The following SLC17A5 variants were observed in gnomAD, a reference collection of about 807,000 sequenced individuals.
SLC17A5 encodes sialin.
Under a neutral mutation model 59.4 loss-of-function variants are expected in SLC17A5, and 47 were observed. That is an observed-to-expected ratio of 0.79 (90% confidence interval 0.63 to 1.01). The LOEUF (loss-of-function observed/expected upper bound fraction) is 1.01. Ranked by LOEUF, SLC17A5 falls within the 50% of genes least tolerant of loss-of-function variation. SLC17A5 has a pLI of 0.00. For synonymous variants in SLC17A5, 202 were observed against 210.7 expected, an observed-to-expected ratio of 0.96 and a Z score of 0.36; for missense variants, 522 against 595.5, an observed-to-expected ratio of 0.88 and a Z score of 1.28.
At chr6:73,608,267 C>T (rs1427479969) in intron 9 of SLC17A5, among the ~76,000 whole-genome samples, 1 of 152,062 alleles carries the variant, frequency 6.6e-6, no homozygotes, top group African/African-American at 2.4e-5. Context: ...TTCTCTTGGC[C>T]ATTGGGGTTG....
chr6:73,639,875 G>A (rs931251639), intron 3 of SLC17A5, among the ~76,000 whole-genome samples: 3 of 151,994 alleles, frequency 2.0e-5, no homozygotes, highest in Admixed American at 6.6e-5. Flanking sequence ...GTGAAACCCC[G>A]CCTCTACTAA....
chr6:73,650,637 G>A (rs1188329688), intron 1 of SLC17A5, among the ~76,000 whole-genome samples: 1 of 150,702 alleles, frequency 6.6e-6, no homozygotes. Context: ...TGAGGCTGCA[G>A]TAAGACCTGT....
intron 4 of SLC17A5, among the ~76,000 whole-genome samples, chr6:73,637,978 G>A (rs1769099863): frequency 6.6e-6 from 1 of 152,012 alleles, no homozygotes; most frequent in Admixed American, 6.6e-5. Context: ...TGAGAATCAT[G>A]ATACATTCAT....
chr6:73,649,144 T>C (rs1562002457), intron 1 of SLC17A5, among the ~76,000 whole-genome samples: 2 of 152,012 alleles, frequency 1.3e-5, no homozygotes, highest in East Asian at 3.9e-4. Flanking sequence ...ACTACAGGCA[T>C]GCATCACCAC....
chr6:73,653,818 T>C lies in SLC17A5; in HGVS notation c.69A>G (p.Leu23=). 6.3e-7 allele frequency: 1 copy of C among 1,598,808 alleles called. No homozygotes were observed. The highest frequency in any genetic ancestry group is 8.5e-7 in the Non-Finnish European group (1 of 1,174,140). ...GEESTDRTPL[L]PGAPRAEAAP... is the part of the protein sequence containing the mutation. ...CGGCTTCGGCCCGTGGGGCGCCCGGTAGAAGAGGCGTGCGGTCCGTGCTCT... is the reference window on the plus strand; with the variant it reads ...CGGCTTCGGCCCGTGGGGCGCCCGGCAGAAGAGGCGTGCGGTCCGTGCTCT... Residue 23 remains leucine (L), a synonymous_variant, in exon 1 of 11, where the codon CTA becomes CTG. Coordinates refer to ENST00000355773, the MANE Select transcript of SLC17A5 (RefSeq NM_012434.5).
At chr6:73,635,682 A>C (rs1252494191) in intron 5 of SLC17A5, among the ~76,000 whole-genome samples, 182 bp from the exon 6 acceptor site, 1 of 152,088 alleles carries the variant, frequency 6.6e-6, no homozygotes, top group Non-Finnish European at 1.5e-5. Context: ...GTTTCTCTCA[A>C]TTCTTTAATG....
chr6:73,642,010 A>C, intron 2 of SLC17A5, 86 bp from the exon 3 acceptor site: 1 of 1,212,306 alleles, frequency 8.2e-7, no homozygotes, highest in Non-Finnish European at 1.2e-6. Flanking sequence ...AGTACATATA[A>C]ATGAGATTTT....
intron 8 of SLC17A5, among the ~76,000 whole-genome samples, chr6:73,614,757 G>A (rs1767782353): frequency 6.6e-6 from 1 of 152,118 alleles, no homozygotes; most frequent in Admixed American, 6.6e-5. Flanking sequence ...CTTGGAGGGT[G>A]GTGTTCCAGG....
At chr6:73,617,094 A>G (rs1484467335) in intron 7 of SLC17A5, among the ~76,000 whole-genome samples, 1 of 151,702 alleles carries the variant, frequency 6.6e-6, no homozygotes, top group Non-Finnish European at 1.5e-5. Flanking sequence ...GCTCAAGACC[A>G]GCCTGGTCAA....
chr6:73,635,806 T>C, intron 5 of SLC17A5, among the ~76,000 whole-genome samples: 1 of 151,788 alleles, frequency 6.6e-6, no homozygotes, highest in Non-Finnish European at 1.5e-5. Flanking sequence ...AGTGACGTGA[T>C]CTCGGCTCAC....
In SLC17A5 at chr6:73,636,724, G is replaced by A. The variant is rs1457238489; in HGVS notation, c.614-17C>T. The A allele has an allele frequency of 1.3e-6, 2 of 1,554,840 alleles. No individual in the cohort carries two copies. The highest frequency in any genetic ancestry group is 1.8e-6 in the Non-Finnish European group (2 of 1,126,348). On this transcript the variant is annotated splice_polypyrimidine_tract_variant and intron_variant, in intron 4 of 10. Coordinates refer to ENST00000355773, the MANE Select transcript of SLC17A5 (RefSeq NM_012434.5). ...GCTGTGCTCCTAGAACAACACATAA[G>A]ACTATTTTATAAACTTTGGAGAGAG...
rs727504157 is a variant in SLC17A5 at position 73,653,844 on chromosome 6, C to A, written c.43G>T (p.Glu15Ter). The A allele has an allele frequency of 2.6e-5, 41 of 1,606,778 alleles. No individual in the cohort carries two copies. Among genetic ancestry groups the A allele is most frequent in the Non-Finnish European group, 3.2e-5 (38 of 1,177,534 alleles). Residue 15 changes from glutamate to a stop codon, truncating the protein, a stop_gained, in exon 1 of 11, where the codon GAG (glutamate) becomes TAG (stop). Transcript: ENST00000355773. LOFTEE classifies it high-confidence loss of function. ...VRDLARNDGE[E>*]STDRTPLLPG... is the part of the protein sequence containing the mutation. ...AGAAGAGGCGTGCGGTCCGTGCTCT[C>A]CTCGCCATCGTTCCGGGCCAGGTCT...
intron 8 of SLC17A5, among the ~76,000 whole-genome samples, chr6:73,614,263 C>T (rs1488473920): frequency 1.3e-5 from 2 of 151,664 alleles, no homozygotes; most frequent in African/African-American, 4.8e-5. Flanking sequence ...GAGCCCCTGT[C>T]TCAAGAAAAA....
intron 10 of SLC17A5, among the ~76,000 whole-genome samples, chr6:73,598,407 G>A (rs1371914990): frequency 6.6e-6 from 1 of 151,912 alleles, no homozygotes; most frequent in Non-Finnish European, 1.5e-5. Flanking sequence ...GAGGCGGGTG[G>A]ATCATTTGAG....
chr6:73,619,504 A>G (rs1328236375), intron 7 of SLC17A5, among the ~76,000 whole-genome samples: 18 of 151,476 alleles, frequency 1.2e-4, no homozygotes, highest in African/African-American at 4.4e-4. Flanking sequence ...CCTGGACAAT[A>G]ATGGGAAACC....
intron 2 of SLC17A5, among the ~76,000 whole-genome samples, chr6:73,642,505 T>G (rs1426927844): frequency 6.6e-6 from 1 of 152,222 alleles, no homozygotes; most frequent in Non-Finnish European, 1.5e-5. Flanking sequence ...GCTATTAACA[T>G]GCATAAATGT....
intron 3 of SLC17A5, 43 bp from the exon 4 acceptor site, chr6:73,638,542 G>A: frequency 6.8e-7 from 1 of 1,459,994 alleles, no homozygotes; most frequent in Non-Finnish European, 9.6e-7. Flanking sequence ...ATGTAAGGTA[G>A]TTTTGTTAAT....
intron 1 of SLC17A5, among the ~76,000 whole-genome samples, chr6:73,649,355 C>A (rs1477448295): frequency 6.6e-6 from 1 of 152,202 alleles, no homozygotes; most frequent in African/African-American, 2.4e-5. Context: ...GTAATCCCAG[C>A]ACTTTGGGAA....
rs142308808 is a variant in SLC17A5 at position 73,641,050 on chromosome 6, A to T, written c.525+641T>A. Among the ~76,000 whole-genome samples, 37 of 152,308 alleles carry T rather than the reference A, an allele frequency of 2.4e-4. No individual in the cohort carries two copies. In the East Asian group the frequency reaches 6.2e-3, roughly 25 times the overall value. On this transcript the variant is annotated intron_variant, in intron 3 of 10. Coordinates refer to ENST00000355773, the MANE Select transcript of SLC17A5 (RefSeq NM_012434.5). ...TGATAGAGCAGAGTTTAACGGTGGC[A>T]AGAGCACAAGAGGTAAGGATGGTCA... is the stretch of plus-strand genomic sequence containing the variant.
Sources: allele counts gnomAD v4.1 joint callset (sites outside exome capture counted in the v4.1 genomes callset), GRCh38; gene constraint gnomAD v4.1.1; transcripts MANE v1.5; gene names NCBI Gene and HGNC (gene_info 2026-07-23, HGNC 2026-07-21).